DNAJC18: variants seen among roughly 807,000 people sequenced by gnomAD.
The protein encoded by DNAJC18 is dnaJ homolog subfamily C member 18.
DNAJC18 carries 40 observed loss-of-function variants against 48.6 expected under a neutral mutation model. The observed-to-expected ratio is 0.82, with a 90% confidence interval of 0.64 to 1.07. The LOEUF (loss-of-function observed/expected upper bound fraction) is 1.07. Ranked by LOEUF, DNAJC18 falls within the 50% of genes least tolerant of loss-of-function variation. DNAJC18 has a pLI of 0.00. For synonymous variants in DNAJC18, 135 were observed against 152.2 expected, an observed-to-expected ratio of 0.89 and a Z score of 0.83; for missense variants, 340 against 427.7, an observed-to-expected ratio of 0.79 and a Z score of 1.81.
Position 139,422,802 on chromosome 5 carries a change from A to T in DNAJC18, c.685T>A (p.Phe229Ile). The change falls in exon 6 of 8, where the codon TTT becomes ATT. Residue 229 changes from phenylalanine (F) to isoleucine (I), a missense_variant. Transcript: ENST00000302060. ...EEKPQTTYSA[F>I]IQLLPVLVIV... is the part of the protein sequence containing the mutation. ...ACAAGAACTGGAAGTAGCTGAATAA[A>T]TGCAGAATATGTAGTCTGAAAAAGA... 1 of 1,601,892 alleles carries T rather than the reference A, an allele frequency of 6.2e-7. No individual in the cohort carries two copies. Among genetic ancestry groups the T allele is most frequent in the Non-Finnish European group, 8.5e-7 (1 of 1,176,302 alleles).
chr5:139,426,110 G>A (rs1759239008), intron 4 of DNAJC18, 62 bp downstream of exon 4: 3 of 1,527,142 alleles, frequency 2.0e-6, no homozygotes, highest in South Asian at 1.3e-5. Flanking sequence ...TTTCAAACAG[G>A]AGCTTGCTGA....
chr5:139,439,367 A>G lies in DNAJC18; in HGVS notation c.40+39T>C, dbSNP rs564699278. 7 of 1,614,082 alleles carry G rather than the reference A, an allele frequency of 4.3e-6. No individual in the cohort carries two copies. In the South Asian group the frequency reaches 7.7e-5, roughly 18 times the overall value. ...GGATCCTCATCCCTGATCTCTCCCG[A>G]AGGCCGCCCTATCCCTCCTTCAGGC... On this transcript the variant is annotated intron_variant, in intron 1 of 7. Coordinates refer to ENST00000302060, the MANE Select transcript of DNAJC18 (RefSeq NM_152686.4). This position sits in a 1 kb window ranked among gnomAD's most constrained non-coding sequence, Gnocchi z 4.1.
chr5:139,428,460 AC>A, intron 3 of DNAJC18, 77 bp downstream of exon 3: 2 of 1,541,062 alleles, frequency 1.3e-6, no homozygotes, highest in Non-Finnish European at 1.7e-6. Flanking sequence ...TTATAAAACA[AC>A]TATGGGGAAG....
chr5:139,436,773 T>TA (rs1750670926), intron 2 of DNAJC18, among the ~76,000 whole-genome samples: 1 of 152,036 alleles, frequency 6.6e-6, no homozygotes, highest in Non-Finnish European at 1.5e-5. Flanking sequence ...GAGTCTTTTT[T>TA]AAAAAAATAA....
At chr5:139,425,204 C>T in intron 4 of DNAJC18, 90 bp from the exon 5 acceptor site, 1 of 1,112,738 alleles carries the variant, frequency 9.0e-7, no homozygotes, top group Non-Finnish European at 1.3e-6. Flanking sequence ...TGCTCTGTTA[C>T]CCAGACTGGA....
intron 2 of DNAJC18, among the ~76,000 whole-genome samples, chr5:139,436,437 G>A (rs1258111089): frequency 6.7e-6 from 1 of 149,726 alleles, no homozygotes; most frequent in Non-Finnish European, 1.5e-5. Context: ...CTAGGCATTT[G>A]CTGATTTTAT....
rs1759031386 is a variant in DNAJC18, at chr5:139,413,891, A to G, written c.*257T>C. On this transcript the variant is annotated 3_prime_UTR_variant, in exon 8 of 8. Transcript: ENST00000302060. ...CACATAGGCAGGGTAGGCATGGAGC[A>G]GGGAGACGGAATCCAATGCCTTGCC... 4.5e-6 allele frequency: 2 copies of G among 448,028 alleles called. No individual in the cohort carries two copies. Among genetic ancestry groups the G allele is most frequent in the Non-Finnish European group, 7.9e-6 (2 of 254,010 alleles). The allele number at this position is 448,028 out of a possible 1,614,324, so 27.8% of individuals were successfully genotyped here. A position where few individuals can be genotyped will look rare whatever the true frequency, so the allele number is the denominator to read the frequency against.
intron 5 of DNAJC18, among the ~76,000 whole-genome samples, chr5:139,423,614 C>A (rs1759187063): frequency 6.6e-6 from 1 of 151,974 alleles, no homozygotes; most frequent in Non-Finnish European, 1.5e-5. Context: ...ATCTCAAACT[C>A]CTAGGCTCAA....
In DNAJC18 at chr5:139,412,486, C is replaced by G. The variant is rs1454148523; in HGVS notation, c.*1662G>C. The G allele has an allele frequency of 8.2e-6, 3 of 365,920 alleles. No individual in the cohort carries two copies. Among genetic ancestry groups the G allele is most frequent in the African/African-American group, 6.3e-5 (3 of 47,880 alleles). 22.7% of individuals were successfully genotyped at this position (365,920 alleles called of 1,614,324 possible). ...GTGTTGGCCAGGCTGGTCTTGAACT[C>G]CTGACCTCAGGTGATCCACCTGCCA... On this transcript the variant is annotated 3_prime_UTR_variant, in exon 8 of 8. Coordinates refer to ENST00000302060, the MANE Select transcript of DNAJC18 (RefSeq NM_152686.4).
At chr5:139,420,859 AC>A (rs1759141143) in intron 6 of DNAJC18, among the ~76,000 whole-genome samples, 1 of 152,136 alleles carries the variant, frequency 6.6e-6, no homozygotes, top group Admixed American at 6.5e-5. Flanking sequence ...CATAGAAGGG[AC>A]CTCAAACTCA....
At chr5:139,427,172 T>C (rs1454642758) in intron 3 of DNAJC18, among the ~76,000 whole-genome samples, 2 of 152,154 alleles carry the variant, frequency 1.3e-5, no homozygotes, top group Admixed American at 6.6e-5. Flanking sequence ...AAAAACAAAG[T>C]CTTCATCATA....
At chr5:139,420,258 CATA>C in intron 6 of DNAJC18, 33 bp from the exon 7 acceptor site, 1 of 1,576,334 alleles carries the variant, frequency 6.3e-7, no homozygotes, top group Non-Finnish European at 8.6e-7. Flanking sequence ...CATGTGAGCT[CATA>C]ATATTTGGCA....
intron 3 of DNAJC18, among the ~76,000 whole-genome samples, chr5:139,427,387 C>A (rs1759260625): frequency 6.6e-6 from 1 of 152,024 alleles, no homozygotes; most frequent in African/African-American, 2.4e-5. Context: ...AAAAAGAAAT[C>A]TTTTAAGGCA....
At chr5:139,436,269 T>G (rs994179561) in intron 2 of DNAJC18, among the ~76,000 whole-genome samples, 1 of 151,702 alleles carries the variant, frequency 6.6e-6, no homozygotes, top group African/African-American at 2.4e-5. Flanking sequence ...TTTCTTTTTT[T>G]AGAGATAATG....
At chr5:139,437,722 T>TA (rs958919975) in intron 1 of DNAJC18, among the ~76,000 whole-genome samples, 164 bp from the exon 2 acceptor site, 11 of 152,312 alleles carry the variant, frequency 7.2e-5, no homozygotes, top group Admixed American at 3.9e-4. Flanking sequence ...CAAAGCTGAA[T>TA]AAACATGTTT....
At chr5:139,434,312 T>A (rs968748475) in intron 2 of DNAJC18, among the ~76,000 whole-genome samples, 3 of 152,144 alleles carry the variant, frequency 2.0e-5, no homozygotes, top group Non-Finnish European at 4.4e-5. Context: ...ATCTCTTTTT[T>A]AAAACTATTT....
chr5:139,438,098 C>T (rs909527611), intron 1 of DNAJC18, among the ~76,000 whole-genome samples: 3 of 152,106 alleles, frequency 2.0e-5, no homozygotes, highest in Non-Finnish European at 4.4e-5. Context: ...GGGCGGATCA[C>T]GAGGTCAGGA....
intron 7 of DNAJC18, among the ~76,000 whole-genome samples, chr5:139,417,979 A>G (rs1302745780): frequency 6.6e-6 from 1 of 152,134 alleles, no homozygotes; most frequent in Non-Finnish European, 1.5e-5. Context: ...AATCCTTACC[A>G]TGAGCTCTTT....
chr5:139,414,530 A>G (rs2152082130), intron 7 of DNAJC18, among the ~76,000 whole-genome samples: 1 of 152,350 alleles, frequency 6.6e-6, no homozygotes, highest in South Asian at 2.1e-4. Context: ...TCTTACCAAG[A>G]AAACATTTGG....
Sources: gnomAD v4.1 joint callset for allele counts (sites outside exome capture counted in the v4.1 genomes callset) on GRCh38, gnomAD v4.1.1 for gene constraint, Gnocchi (gnomAD v3.1) non-coding constraint, MANE v1.5 for transcripts, NCBI Gene and HGNC (gene_info 2026-07-23, HGNC 2026-07-21) for gene names.